The following AGBL1 variants were observed in gnomAD, a reference collection of about 807,000 sequenced individuals.
The protein encoded by AGBL1 is cytosolic carboxypeptidase 4.
Under a neutral mutation model 118.9 loss-of-function variants are expected in AGBL1, and 130 were observed. The ratio of observed to expected loss-of-function variants is 1.09; its 90% confidence interval spans 0.95 to 1.26. The LOEUF (loss-of-function observed/expected upper bound fraction) is 1.26, where lower values mean the gene tolerates loss of function less well. Ranked by LOEUF, AGBL1 falls within the 50% of genes most tolerant of loss-of-function variation. AGBL1 has a pLI of 0.00. For missense variants in AGBL1, 1,584 were observed against 1,298.1 expected (o/e 1.22, Z -3.38); for synonymous variants, 555 against 478.9 (o/e 1.16, Z -2.08).
At chr15:86,432,954 C>T (rs1001536455) in intron 18 of AGBL1, among the ~76,000 whole-genome samples, 3 of 152,192 alleles carry the variant, frequency 2.0e-5, no homozygotes, top group African/African-American at 7.2e-5. Flanking sequence ...GGCCTGGCTG[C>T]AGGGCTGCTA....
At chr15:86,204,835 C>T (rs1367221963) in intron 5 of AGBL1, among the ~76,000 whole-genome samples, 1 of 152,188 alleles carries the variant, frequency 6.6e-6, no homozygotes, top group African/African-American at 2.4e-5. Flanking sequence ...GGTGATCCAC[C>T]TGCCTTGGCC....
intron 18 of AGBL1, among the ~76,000 whole-genome samples, chr15:86,428,484 A>G (rs1280832918): frequency 6.6e-6 from 1 of 152,248 alleles, no homozygotes; most frequent in African/African-American, 2.4e-5. Flanking sequence ...CATAATCAGA[A>G]ATAATCTATT....
chr15:86,303,497 G>A (rs1343705766), intron 17 of AGBL1, among the ~76,000 whole-genome samples: 3 of 152,072 alleles, frequency 2.0e-5, no homozygotes, highest in South Asian at 2.1e-4. Flanking sequence ...CAAAGAATAT[G>A]TGAAAAAGAG....
chr15:86,725,250 C>G (rs942173737), intron 22 of AGBL1, among the ~76,000 whole-genome samples: 1 of 152,216 alleles, frequency 6.6e-6, no homozygotes, highest in Non-Finnish European at 1.5e-5. Context: ...AGCTCTGGTT[C>G]TCATGTATTT....
chr15:86,585,909 G>T (rs2084240673), intron 21 of AGBL1, among the ~76,000 whole-genome samples: 1 of 152,212 alleles, frequency 6.6e-6, no homozygotes, highest in African/African-American at 2.4e-5. Flanking sequence ...TAGACAGACT[G>T]TGAGGATGAA....
intron 18 of AGBL1, among the ~76,000 whole-genome samples, chr15:86,439,643 T>C (rs568765137): frequency 6.6e-6 from 1 of 152,196 alleles, no homozygotes; most frequent in Non-Finnish European, 1.5e-5. Context: ...GACAAGGCAA[T>C]ACTGAGCAAA....
chr15:86,416,808 G>A (rs566815828), intron 18 of AGBL1, among the ~76,000 whole-genome samples: 51 of 152,254 alleles, frequency 3.3e-4, no homozygotes, highest in African/African-American at 1.2e-3. Flanking sequence ...GTTCAACCTA[G>A]TTTTTCATTG....
At chr15:86,550,746 C>T (rs2083652768) in intron 20 of AGBL1, among the ~76,000 whole-genome samples, 1 of 151,960 alleles carries the variant, frequency 6.6e-6, no homozygotes, top group Non-Finnish European at 1.5e-5. Flanking sequence ...ACTTAACTTA[C>T]ATATAGCAGT....
chr15:86,133,809 T>C (rs540708425), intron 1 of AGBL1, among the ~76,000 whole-genome samples: 1 of 152,328 alleles, frequency 6.6e-6, no homozygotes, highest in Non-Finnish European at 1.5e-5. Context: ...TCTAAGATAC[T>C]CCAGTCAGAA....
chr15:86,242,613 C>T (rs2078657667), intron 6 of AGBL1, among the ~76,000 whole-genome samples: 1 of 152,184 alleles, frequency 6.6e-6, no homozygotes, highest in Non-Finnish European at 1.5e-5. Context: ...GTTTAGAAGT[C>T]TACACTCATC....
At chr15:86,726,560 A>T (rs1006956482) in intron 22 of AGBL1, among the ~76,000 whole-genome samples, 1 of 152,126 alleles carries the variant, frequency 6.6e-6, no homozygotes, top group African/African-American at 2.4e-5. Flanking sequence ...GGTAGGTACT[A>T]TGTATTATTA....
rs765764602 is a variant in AGBL1 at position 86,264,769 on chromosome 15, C to T, written c.1598C>T (p.Pro533Leu). The change falls in exon 11 of 23, where the codon CCT becomes CTT. Residue 533 changes from proline to leucine, a missense_variant. Coordinates refer to ENST00000614907, the MANE Select transcript of AGBL1 (RefSeq NM_001386094.1). ...GTGGACTTCAAGATGATGGCATTTC[C>T]TGATGTCTGGGGACACTGTCCCCCT... ...SVVDFKMMAFPDVWGHCPPPT... is the reference protein window; with the variant it reads ...SVVDFKMMAFLDVWGHCPPPT... 6.2e-7 allele frequency: 1 copy of T among 1,614,036 alleles called. No individual in the cohort carries two copies. Among genetic ancestry groups the T allele is most frequent in the South Asian group, 1.1e-5 (1 of 91,086 alleles).
At chr15:86,537,359 C>A (rs752908253) in intron 19 of AGBL1, among the ~76,000 whole-genome samples, 3 of 152,166 alleles carry the variant, frequency 2.0e-5, no homozygotes, top group Admixed American at 6.5e-5. Flanking sequence ...TGCAACTGAG[C>A]GAGACAGATG....
At chr15:86,375,151 G>T (rs1480772542) in intron 17 of AGBL1, among the ~76,000 whole-genome samples, 1 of 152,144 alleles carries the variant, frequency 6.6e-6, no homozygotes, top group Non-Finnish European at 1.5e-5. Context: ...GCATGGGTTT[G>T]CTTTGAAAGG....
intron 5 of AGBL1, among the ~76,000 whole-genome samples, chr15:86,167,732 G>C (rs1243274157): frequency 6.6e-6 from 1 of 152,216 alleles, no homozygotes; most frequent in Non-Finnish European, 1.5e-5. Context: ...GGCTGGGAAG[G>C]AAAGGGTCAA....
At chr15:86,356,428 A>G (rs1332796642) in intron 17 of AGBL1, among the ~76,000 whole-genome samples, 1 of 152,182 alleles carries the variant, frequency 6.6e-6, no homozygotes, top group African/African-American at 2.4e-5. Flanking sequence ...AGGGAGTTAA[A>G]TACCTTCTTG....
At position 86,615,871 on chromosome 15, in the gene AGBL1, G is replaced by T. The variant is rs903974387; in HGVS notation, c.2995-58402G>T. Among the ~76,000 whole-genome samples the T allele has an allele frequency of 1.3e-5, 2 of 151,992 alleles. No homozygotes were observed. The highest frequency in any genetic ancestry group is 2.9e-5 in the Non-Finnish European group (2 of 68,012). On this transcript the variant is annotated intron_variant, in intron 21 of 22. Coordinates refer to ENST00000614907, the MANE Select transcript of AGBL1 (RefSeq NM_001386094.1). This position sits in a 1 kb window ranked among gnomAD's most constrained non-coding sequence, Gnocchi z 4.3. Reference sequence around the variant, plus strand: ...AAAATTAATTAATAGGGATGACAGTGTTGGGGTTATACATACATTGATAGG... The same window carrying T: ...AAAATTAATTAATAGGGATGACAGTTTTGGGGTTATACATACATTGATAGG...
intron 22 of AGBL1, among the ~76,000 whole-genome samples, chr15:86,839,610 C>G (rs1022704288): frequency 2.0e-5 from 3 of 152,116 alleles, no homozygotes; most frequent in African/African-American, 7.2e-5. Context: ...GGCCTCTTCC[C>G]CTTATATGTC....
chr15:86,709,957 T>C, intron 22 of AGBL1, among the ~76,000 whole-genome samples: 1 of 152,198 alleles, frequency 6.6e-6, no homozygotes, highest in East Asian at 1.9e-4. Context: ...ACTCTTTTTA[T>C]GTTTATTGCT....
Sources: allele counts gnomAD v4.1 joint callset (sites outside exome capture counted in the v4.1 genomes callset), GRCh38; gene constraint gnomAD v4.1.1; non-coding constraint Gnocchi (gnomAD v3.1); transcripts MANE v1.5; gene names NCBI Gene and HGNC (gene_info 2026-07-23, HGNC 2026-07-21).